The following ATP1A4 variants were observed in gnomAD, a reference collection of about 807,000 sequenced individuals.
ATP1A4 encodes sodium/potassium-transporting ATPase subunit alpha-4.
ATP1A4 carries 90 observed loss-of-function variants against 114.3 expected under a neutral mutation model. The ratio of observed to expected loss-of-function variants is 0.79; its 90% confidence interval spans 0.66 to 0.94. ATP1A4 has a LOEUF of 0.94. ATP1A4 is among the 40% of genes least tolerant of loss of function. ATP1A4 has a pLI of 0.00. For missense variants in ATP1A4, 1,222 were observed against 1,313.6 expected, an observed-to-expected ratio of 0.93 and a Z score of 1.08; for synonymous variants, 511 against 494.1, an observed-to-expected ratio of 1.03 and a Z score of -0.45.
Position 160,171,630 on chromosome 1 carries a change from C to A in ATP1A4, c.1727C>A (p.Pro576Gln), listed in dbSNP as rs756336572. The A allele has an allele frequency of 6.8e-6, 11 of 1,614,024 alleles. No individual in the cohort carries two copies. Among genetic ancestry groups the A allele is most frequent in the Non-Finnish European group, 7.6e-6 (9 of 1,180,044 alleles). The change falls in exon 12 of 22, where the codon CCA becomes CAA. Residue 576 changes from proline (P) to glutamine (Q), a missense_variant. Transcript: ENST00000368081. ...CCTAGCAGCTTCTCCAAGGGATTCC[C>A]ATTTAATACAGATGAAATAAATTTC... is the stretch of plus-strand genomic sequence containing the variant. ...NLPSSFSKGF[P>Q]FNTDEINFPM...
intron 10 of ATP1A4, 176 bp from the exon 11 acceptor site, chr1:160,171,075 G>A: frequency 3.7e-6 from 2 of 545,490 alleles, no homozygotes; most frequent in Non-Finnish European, 6.4e-6. Context: ...CAGTTTTCTG[G>A]AAAAAGGAGG....
At chr1:160,157,683 T>C (rs1197840874) in intron 4 of ATP1A4, among the ~76,000 whole-genome samples, 1 of 152,180 alleles carries the variant, frequency 6.6e-6, no homozygotes, top group Non-Finnish European at 1.5e-5. Context: ...ATGATGTAGG[T>C]AACTTACCCT....
At chr1:160,173,797 G>C (rs1653352204) in intron 13 of ATP1A4, 80 bp downstream of exon 13, 1 of 1,525,182 alleles carries the variant, frequency 6.6e-7, no homozygotes, top group African/African-American at 1.4e-5. Context: ...CTTTACTAAA[G>C]TTCTTGGAGT....
chr1:160,177,463 T>C, intron 17 of ATP1A4, 56 bp from the exon 18 acceptor site: 1 of 1,594,174 alleles, frequency 6.3e-7, no homozygotes, highest in Non-Finnish European at 8.6e-7. Flanking sequence ...CTGGCCTACC[T>C]TTTGGGGCCC....
intron 10 of ATP1A4, among the ~76,000 whole-genome samples, chr1:160,169,194 T>A (rs926696722): frequency 5.3e-5 from 8 of 152,188 alleles, no homozygotes; most frequent in African/African-American, 1.9e-4. Context: ...GCCCTAAAGG[T>A]GGAGACTCCA....
intron 15 of ATP1A4, 21 bp downstream of exon 15, chr1:160,174,768 T>C: frequency 1.2e-6 from 2 of 1,613,384 alleles, no homozygotes; most frequent in Non-Finnish European, 1.7e-6. Context: ...AGGGTGCCCA[T>C]GGTGGAGACT....
chr1:160,169,677 C>T (rs1653171203), intron 10 of ATP1A4: 1 of 152,250 alleles, frequency 6.6e-6, no homozygotes, highest in African/African-American at 2.4e-5. Flanking sequence ...CAACAGGCGA[C>T]CTAGCGGGCA....
chr1:160,179,524 G>A (rs905996325), intron 18 of ATP1A4, among the ~76,000 whole-genome samples: 4 of 152,244 alleles, frequency 2.6e-5, no homozygotes, highest in Admixed American at 6.5e-5. Context: ...AGGCGTGTCC[G>A]TGTCTCTTCT....
At chr1:160,174,988 C>T (rs908848441) in intron 15 of ATP1A4, among the ~76,000 whole-genome samples, 4 of 152,158 alleles carry the variant, frequency 2.6e-5, no homozygotes, top group African/African-American at 9.7e-5. Context: ...GTTTTCCTAT[C>T]AGGGAGACTG....
rs780401226 is a variant in ATP1A4 at position 160,186,673 on chromosome 1, T to C, written c.3064T>C (p.Trp1022Arg). The C allele has an allele frequency of 9.3e-6, 15 of 1,610,762 alleles. No individual in the cohort carries two copies. The highest frequency in any genetic ancestry group is 1.3e-5 in the Non-Finnish European group (15 of 1,178,592). The change falls in exon 22 of 22, where the codon TGG (tryptophan) becomes CGG (arginine). Residue 1022 changes from tryptophan (W) to arginine (R), a missense_variant and splice_region_variant. Physicochemically the swap from Trp to Arg is moderately radical, Grantham distance 101. Transcript: ENST00000368081. ...CGCTGGCCTCTTCTCTTCCACAGGC[T>C]GGGTGGAAAGGGAGACGTACTACTA... is the stretch of plus-strand genomic sequence containing the variant. ...KLLIRQHPDG[W>R]VERETYY
chr1:160,163,919 C>T (rs1483880114), intron 6 of ATP1A4, among the ~76,000 whole-genome samples: 2 of 151,996 alleles, frequency 1.3e-5, no homozygotes, highest in Non-Finnish European at 2.9e-5. Flanking sequence ...CAGGAAACTC[C>T]AAGGCATTTA....
In ATP1A4 at chr1:160,167,429, G is replaced by A. The variant is rs763920796; in HGVS notation, c.1491+17G>A. 1.2e-6 allele frequency: 2 copies of A among 1,609,550 alleles called. No homozygotes were observed. The highest frequency in any genetic ancestry group is 2.2e-5 in the South Asian group (2 of 90,466). On this transcript the variant is annotated intron_variant, in intron 10 of 21. Coordinates refer to ENST00000368081, the MANE Select transcript of ATP1A4 (RefSeq NM_144699.4). Reference sequence around the variant, plus strand: ...AAGTACCAGGTACAGAACCCACAAAGGTAGGAGAATGGTGGTGGGGGGATG... The same window carrying A: ...AAGTACCAGGTACAGAACCCACAAAAGTAGGAGAATGGTGGTGGGGGGATG...
chr1:160,159,315 ATGT>A, intron 5 of ATP1A4, 91 bp from the exon 6 acceptor site: 1 of 1,354,684 alleles, frequency 7.4e-7, no homozygotes, highest in Non-Finnish European at 1.0e-6. Flanking sequence ...GTCAGTGATG[ATGT>A]TGGTGACCAG....
chr1:160,152,070 G>A lies in ATP1A4; in HGVS notation c.30G>A (p.Val10=). The change falls in exon 1 of 22, where the codon GTG becomes GTA. Residue 10 remains valine (V), a synonymous_variant. Coordinates refer to ENST00000368081, the MANE Select transcript of ATP1A4 (RefSeq NM_144699.4). MGLWGKKGT[V]APHDQSPRRR... Reference sequence around the variant, plus strand: ...GGCTTTGGGGGAAGAAAGGGACAGTGGCTCCCCATGACCAGAGTCCAAGAC... The same window carrying A: ...GGCTTTGGGGGAAGAAAGGGACAGTAGCTCCCCATGACCAGAGTCCAAGAC... 3 of 1,613,946 alleles carry A rather than the reference G, an allele frequency of 1.9e-6. No individual in the cohort carries two copies. Among genetic ancestry groups the A allele is most frequent in the Non-Finnish European group, 2.5e-6 (3 of 1,179,946 alleles).
Position 160,171,271 on chromosome 1 carries a change from G to A in ATP1A4, c.1512G>A (p.Glu504=). Residue 504 remains glutamate, a synonymous_variant, in exon 11 of 22, where the codon GAG becomes GAA. Transcript: ENST00000368081. ...NKYQMSIHLR[E]DSSQTHVLMM... ...CCTAGATGTCCATCCACCTTCGGGAGGACAGCTCCCAGACCCACGTACTGA... is the reference window on the plus strand; with the variant it reads ...CCTAGATGTCCATCCACCTTCGGGAAGACAGCTCCCAGACCCACGTACTGA... 7 of 1,613,872 alleles carry A rather than the reference G, an allele frequency of 4.3e-6. No individual in the cohort carries two copies. In the South Asian group the frequency reaches 7.7e-5, roughly 18 times the overall value.
chr1:160,168,911 A>G (rs1653138728), intron 10 of ATP1A4, among the ~76,000 whole-genome samples: 2 of 152,250 alleles, frequency 1.3e-5, no homozygotes, highest in South Asian at 4.1e-4. Flanking sequence ...TGACGGCAGC[A>G]TAGCCTTTAA....
rs747421820 is a variant in ATP1A4 at position 160,176,562 on chromosome 1, G to A, written c.2550G>A (p.Leu850=). The part of the protein sequence containing the change: ...RLPRNPKTDN[L]VNHRLIGMAY... ...CAAGGAACCCAAAGACGGATAATCTGGTGAACCACCGTCTCATTGGCATGG... is the reference window on the plus strand; with the variant it reads ...CAAGGAACCCAAAGACGGATAATCTAGTGAACCACCGTCTCATTGGCATGG... The change falls in exon 17 of 22, where the codon CTG becomes CTA. Residue 850 remains leucine (L), a synonymous_variant. Transcript: ENST00000368081. 3 of 1,614,134 alleles carry A rather than the reference G, an allele frequency of 1.9e-6. No individual in the cohort carries two copies. The highest frequency in any genetic ancestry group is 1.1e-5 in the South Asian group (1 of 91,074).
chr1:160,181,947 T>A lies in ATP1A4; in HGVS notation c.2885T>A (p.Phe962Tyr), dbSNP rs1346533429. The A allele has an allele frequency of 6.8e-6, 11 of 1,613,924 alleles. No individual in the cohort carries two copies. The highest frequency in any genetic ancestry group is 8.5e-6 in the Non-Finnish European group (10 of 1,179,988). ...CTTCCCAGAAACAAAGTCTTAATAT[T>A]TGGGATCCTGGAGGAGACACTCTTG... is the stretch of plus-strand genomic sequence containing the variant. ...QQGMRNKVLI[F>Y]GILEETLLAA... is the part of the protein sequence containing the mutation. Residue 962 changes from phenylalanine (F) to tyrosine (Y), a missense_variant, in exon 20 of 22, where the codon TTT becomes TAT. Phe to Tyr is a conservative substitution (Grantham distance 22). Transcript: ENST00000368081.
At chr1:160,176,275 TC>T (rs781091273) in intron 16 of ATP1A4, 29 bp downstream of exon 16, 7 of 1,612,490 alleles carry the variant, frequency 4.3e-6, no homozygotes, top group Non-Finnish European at 5.9e-6. Context: ...AGCAAGAGAT[TC>T]CCAGAATTCT....
Sources: gnomAD v4.1 joint callset for allele counts (sites outside exome capture counted in the v4.1 genomes callset) on GRCh38, gnomAD v4.1.1 for gene constraint, MANE v1.5 for transcripts, NCBI Gene and HGNC (gene_info 2026-07-23, HGNC 2026-07-21) for gene names.